Variants in MNX1 observed in about 807,000 individuals in gnomAD.
MNX1 encodes motor neuron and pancreas homeobox protein 1.
Under a neutral mutation model 17.3 loss-of-function variants are expected in MNX1, and 2 were observed. The observed-to-expected ratio is 0.12, with a 90% CI of 0.05 to 0.36. The LOEUF (loss-of-function observed/expected upper bound fraction) is 0.36, where lower values mean the gene tolerates loss of function less well. Ranked by LOEUF, MNX1 falls within the 10% of genes least tolerant of loss-of-function variation. MNX1 has a pLI of 1.00. For synonymous variants in MNX1, 306 were observed against 283.1 expected, an observed-to-expected ratio of 1.08 and a Z score of -0.81; for missense variants, 556 against 564.7, an observed-to-expected ratio of 0.98 and a Z score of 0.16.
At chr7:157,009,031 C>G in intron 1 of MNX1, 1 of 1,537,102 alleles carries the variant, frequency 6.5e-7, no homozygotes, top group South Asian at 1.2e-5. Context: ...GGGCAGGCAC[C>G]TACTGTTGAG....
Position 157,010,021 on chromosome 7 carries a change from G to C in MNX1, c.330C>G (p.His110Gln). The C allele has an allele frequency of 9.2e-6, 9 of 973,532 alleles. No individual in the cohort carries two copies. The highest frequency in any genetic ancestry group is 1.1e-5 in the Non-Finnish European group (9 of 834,330). The allele number at this position is 973,532 out of a possible 1,614,324, so 60.3% of individuals were successfully genotyped here. Residue 110 changes from histidine (H) to glutamine (Q), a missense_variant, in exon 1 of 3, where the codon CAC becomes CAG. By Grantham distance (24) the His-to-Gln change is conservative (BLOSUM62 0). Transcript: ENST00000252971. ...GGGGGGTGGG[H>Q]GGPHHHAHPG... is the part of the protein sequence containing the mutation. ...GATGCGCGTGGTGGTGGGGCCCCCCGTGCCCGCCGCCCGTGCCGCCGCCGC... is the reference window on the plus strand; with the variant it reads ...GATGCGCGTGGTGGTGGGGCCCCCCCTGCCCGCCGCCCGTGCCGCCGCCGC...
In MNX1 at chr7:157,009,976, G is replaced by GGCGGCGGCA. The variant is rs1240163222; in HGVS notation, c.374_375insTGCCGCCGC (p.Ala132_Ala134dup). On this transcript the variant is annotated inframe_insertion, in exon 1 of 3. Transcript: ENST00000252971. The stretch of plus-strand genomic sequence containing the variant: ...CGGCGGCGGCGGCGGCGGCGGCGGC[G>GGCGGCGGCA]GCAGCGGCCGCTGCGCCCGGATGCG... 18 of 979,830 alleles carry GGCGGCGGCA rather than the reference G, an allele frequency of 1.8e-5. No individual in the cohort carries two copies. Among genetic ancestry groups the GGCGGCGGCA allele is most frequent in the Non-Finnish European group, 1.9e-5 (16 of 830,102 alleles). 60.7% of individuals were successfully genotyped at this position (979,830 alleles called of 1,614,324 possible).
chr7:157,009,427 G>T, intron 1 of MNX1: 1 of 1,428,066 alleles, frequency 7.0e-7, no homozygotes, highest in Middle Eastern at 1.8e-4. Flanking sequence ...GCCCCTTCCC[G>T]TTAAGAGAGG....
chr7:157,006,253 A>T lies in MNX1; in HGVS notation c.852+226T>A, dbSNP rs148322034. ...AAAATTTCTCGAATGCGGCCTGGGG[A>T]TCACCTTCTTCAGAATGAAAGGAGG... On this transcript the variant is annotated intron_variant, in intron 2 of 2. Transcript: ENST00000252971. The surrounding 1 kb of genome is among the most constrained non-coding windows in gnomAD (Gnocchi z 6.3). 1.7e-5 allele frequency: 10 copies of T among 593,286 alleles called. No individual in the cohort carries two copies. Among genetic ancestry groups the T allele is most frequent in the Non-Finnish European group, 2.7e-5 (9 of 336,604 alleles). 36.8% of individuals were successfully genotyped at this position (593,286 alleles called of 1,614,324 possible).
chr7:157,008,548 C>T (rs887544664), intron 1 of MNX1: 2 of 159,546 alleles, frequency 1.3e-5, no homozygotes, highest in African/African-American at 4.8e-5. Context: ...CTTCTCCAGC[C>T]TCTGGGGTCC....
rs771305665 is a variant in MNX1, at chr7:157,010,342, T to C, written c.9A>G (p.Lys3=). The stretch of plus-strand genomic sequence containing the variant: ...GGGCGTCGATGCGGAAATTTTTGGA[T>C]TTTTCCATCGGCTCGTTTGGGGCTG... ME[K]SKNFRIDALL... Residue 3 remains lysine (K), a synonymous_variant, in exon 1 of 3, where the codon AAA becomes AAG. Coordinates refer to ENST00000252971, the MANE Select transcript of MNX1 (RefSeq NM_005515.4). The C allele has an allele frequency of 1.3e-6, 2 of 1,582,456 alleles. No individual in the cohort carries two copies. Among genetic ancestry groups the C allele is most frequent in the East Asian group, 4.8e-5 (2 of 41,766 alleles).
At position 157,006,899 on chromosome 7, in the gene MNX1, A is replaced by G. The variant is rs1209636047; in HGVS notation, c.692-260T>C. 1.3e-5 allele frequency: 4 copies of G among 312,476 alleles called. No homozygotes were observed. Among genetic ancestry groups the G allele is most frequent in the Admixed American group, 1.1e-4 (2 of 18,878 alleles). 19.4% of individuals were successfully genotyped at this position (312,476 alleles called of 1,614,324 possible). ...TAGGAGACGTCTGAGTGTCCCTGTT[A>G]AACAGGGCCCATCGCAGGAGGCTTC... On this transcript the variant is annotated intron_variant, in intron 1 of 2. Transcript: ENST00000252971. This position sits in a 1 kb window ranked among gnomAD's most constrained non-coding sequence, Gnocchi z 6.3.
At position 157,010,035 on chromosome 7, in the gene MNX1, T is replaced by TGCC. The variant is rs757330807; in HGVS notation, c.313_315dup (p.Gly105dup). On this transcript the variant is annotated inframe_insertion, in exon 1 of 3. Transcript: ENST00000252971. ...TGGGGCCCCCCGTGCCCGCCGCCCG[T>TGCC]GCCGCCGCCGCCGCCGCCCGCGCCC... is the stretch of plus-strand genomic sequence containing the variant. 5.3e-5 allele frequency: 51 copies of TGCC among 970,818 alleles called. No individual in the cohort carries two copies. The highest frequency in any genetic ancestry group is 3.9e-4 in the East Asian group (3 of 7,782). 60.1% of individuals were successfully genotyped at this position (970,818 alleles called of 1,614,324 possible). A position where few individuals can be genotyped will look rare whatever the true frequency, so the allele number is the denominator to read the frequency against.
chr7:157,009,563 C>G, intron 1 of MNX1, 97 bp downstream of exon 1: 1 of 1,526,386 alleles, frequency 6.6e-7, no homozygotes, highest in Non-Finnish European at 8.8e-7. Flanking sequence ...TTCCCCCGCT[C>G]GCTGGGAGCC....
At position 157,005,930 on chromosome 7, in the gene MNX1, C is replaced by T. The variant is rs1805589207; in HGVS notation, c.853-57G>A. ...CACCGCCACCCCAGGGCTTCCTGTC[C>T]CCGGAGTCCCCCGGCCGCGTGCGCC... On this transcript the variant is annotated intron_variant, in intron 2 of 2. Coordinates refer to ENST00000252971, the MANE Select transcript of MNX1 (RefSeq NM_005515.4). The T allele has an allele frequency of 4.4e-6, 7 of 1,590,814 alleles. No individual in the cohort carries two copies. The East Asian group carries it at 1.6e-4, about 36-fold the overall frequency.
At position 157,005,702 on chromosome 7, in the gene MNX1, T is replaced by C. The variant is rs1365706841; in HGVS notation, c.1024A>G (p.Lys342Glu). 4.3e-6 allele frequency: 7 copies of C among 1,610,138 alleles called. No homozygotes were observed. The highest frequency in any genetic ancestry group is 5.9e-6 in the Non-Finnish European group (7 of 1,179,126). Reference protein sequence around the residue: ...ELLGPPAPGDKGSGRRLRDLR... With the variant: ...ELLGPPAPGDEGSGRRLRDLR... ...TCCCGCAGGCGGCGTCCGCTGCCCTTGTCTCCGGGCGCTGGCGGCCCCAGC... is the reference window on the plus strand; with the variant it reads ...TCCCGCAGGCGGCGTCCGCTGCCCTCGTCTCCGGGCGCTGGCGGCCCCAGC... Residue 342 changes from lysine to glutamate, a missense_variant, in exon 3 of 3, where the codon AAG becomes GAG. Lys to Glu is a moderately conservative substitution (Grantham distance 56). Transcript: ENST00000252971.
Position 157,006,606 on chromosome 7 carries a change from C to A in MNX1, c.725G>T (p.Arg242Leu). 1 of 1,602,052 alleles carries A rather than the reference C, an allele frequency of 6.2e-7. No homozygotes were observed. Among genetic ancestry groups the A allele is most frequent in the Admixed American group, 1.7e-5 (1 of 58,380 alleles). Residue 242 changes from arginine (R) to leucine (L), a missense_variant, in exon 2 of 3, where the codon CGC becomes CTC. Physicochemically the swap from Arg to Leu is moderately radical, Grantham distance 102. Coordinates refer to ENST00000252971, the MANE Select transcript of MNX1 (RefSeq NM_005515.4). The surrounding 1 kb of genome is among the most constrained non-coding windows in gnomAD (Gnocchi z 6.3). ...GCTGGTGAAGGCGGTGCGCGGCCGG[C>A]GGCACTTCCCCAGGAGGTTCGACTG... ...QAQSNLLGKC[R>L]RPRTAFTSQQ...
chr7:157,010,198 G>A lies in MNX1; in HGVS notation c.153C>T (p.Ser51=). Residue 51 remains serine, a synonymous_variant, in exon 1 of 3, where the codon AGC becomes AGT. Coordinates refer to ENST00000252971, the MANE Select transcript of MNX1 (RefSeq NM_005515.4). ...TGGGGGGGGA[S]GGTSGSCSPA... The stretch of plus-strand genomic sequence containing the variant: ...GGCTGCAGCTGCCGCTAGTCCCGCC[G>A]CTCGCCCCGCCGCCGCCGCCGCCAC... 8.2e-7 allele frequency: 1 copy of A among 1,220,584 alleles called. No individual in the cohort carries two copies. The highest frequency in any genetic ancestry group is 3.4e-5 in the East Asian group (1 of 29,522). The allele number at this position is 1,220,584 out of a possible 1,614,324, so 75.6% of individuals were successfully genotyped here. A position where few individuals can be genotyped will look rare whatever the true frequency, so the allele number is the denominator to read the frequency against.
rs988657656 is a variant in MNX1, at chr7:157,005,671, C to G, written c.1055G>C (p.Arg352Thr). The change falls in exon 3 of 3, where the codon AGG becomes ACG. Residue 352 changes from arginine (R) to threonine (T), a missense_variant. Physicochemically the swap from Arg to Thr is moderately conservative, Grantham distance 71. This residue lies in a region of MNX1 where 178 missense variants were observed against 155.2 expected (regional missense o/e 1.15). Transcript: ENST00000252971. ...KGSGRRLRDL[R>T]DSDPEEDEDE... ...CTCGTCCTCCTCGGGGTCACTGTCC[C>G]TCAAGTCCCGCAGGCGGCGTCCGCT... 1.2e-6 allele frequency: 2 copies of G among 1,610,862 alleles called. No homozygotes were observed. The highest frequency in any genetic ancestry group is 2.2e-5 in the South Asian group (2 of 90,856).
chr7:157,008,985 G>A (rs1202879894), intron 1 of MNX1: 9 of 1,536,830 alleles, frequency 5.9e-6, no homozygotes, highest in Non-Finnish European at 7.8e-6. Flanking sequence ...CACCTTGGAG[G>A]GGCATTCGTT....
Position 157,008,220 on chromosome 7 carries a change from C to T in MNX1, c.691+1440G>A, listed in dbSNP as rs1392925764. 7 of 152,370 alleles carry T rather than the reference C, an allele frequency of 4.6e-5. No homozygotes were observed. In the South Asian group the frequency reaches 1.4e-3, roughly 32 times the overall value. The allele number at this position is 152,370 out of a possible 1,614,324, so 9.4% of individuals were successfully genotyped here. The stretch of plus-strand genomic sequence containing the variant: ...CTAGGAGGCCTAGGACCACGGGCCC[C>T]CGGGGCTGGCCAGCCCCCTCCGTGG... On this transcript the variant is annotated intron_variant, in intron 1 of 2. Transcript: ENST00000252971.
chr7:157,009,812 G>C lies in MNX1; in HGVS notation c.539C>G (p.Pro180Arg), dbSNP rs754916733. ...AAAAALAGQH[P>R]ALSYSYPQVQ... is the part of the protein sequence containing the mutation. ...CTGCGGGTACGAGTAGGAGAGCGCCGGGTGCTGGCCCGCCAGCGCAGCCGC... is the reference window on the plus strand; with the variant it reads ...CTGCGGGTACGAGTAGGAGAGCGCCCGGTGCTGGCCCGCCAGCGCAGCCGC... Residue 180 changes from proline to arginine, a missense_variant, in exon 1 of 3, where the codon CCG (proline) becomes CGG (arginine). By Grantham distance (103) the Pro-to-Arg change is moderately radical. This residue lies in a region of MNX1 where 210 missense variants were observed against 211.3 expected (regional missense o/e 0.99). Coordinates refer to ENST00000252971, the MANE Select transcript of MNX1 (RefSeq NM_005515.4). 1 of 1,539,816 alleles carries C rather than the reference G, an allele frequency of 6.5e-7. No homozygotes were observed. The highest frequency in any genetic ancestry group is 8.7e-7 in the Non-Finnish European group (1 of 1,150,010).
At position 157,010,364 on chromosome 7, in the gene MNX1, G is replaced by C; in HGVS notation, c.-14C>G. 1 of 1,565,510 alleles carries C rather than the reference G, an allele frequency of 6.4e-7. No individual in the cohort carries two copies. On this transcript the variant is annotated 5_prime_UTR_variant, in exon 1 of 3. Transcript: ENST00000252971. ...GGATTTTTCCATCGGCTCGTTTGGG[G>C]CTGGCGCTCAGGGCCCGGTGGCGGG...
At chr7:157,005,960 C>A (rs1040991501) in intron 2 of MNX1, 87 bp from the exon 3 acceptor site, 3 of 1,505,436 alleles carry the variant, frequency 2.0e-6, no homozygotes, top group Non-Finnish European at 2.7e-6. Context: ...TGCGCCTGGG[C>A]CCCATTGGGT....
Sources: allele counts gnomAD v4.1 joint callset, GRCh38; gene constraint gnomAD v4.1.1; regional missense constraint gnomAD v4.1.1; non-coding constraint Gnocchi (gnomAD v3.1); transcripts MANE v1.5; gene names NCBI Gene and HGNC (gene_info 2026-07-23, HGNC 2026-07-21).